IFT122: variants seen among roughly 807,000 people sequenced by gnomAD.
IFT122 encodes intraflagellar transport 122.
A neutral mutation model predicts 161.6 loss-of-function variants in IFT122; 118 were observed. The ratio of observed to expected loss-of-function variants is 0.73; its 90% CI spans 0.63 to 0.85. IFT122 has a LOEUF of 0.85. Ranked by LOEUF, IFT122 falls within the 40% of genes least tolerant of loss-of-function variation. The pLI is 0.00. For missense variants in IFT122, 1,381 were observed against 1,579.6 expected, an observed-to-expected ratio of 0.87 and a Z score of 2.13; for synonymous variants, 550 against 602.4, an observed-to-expected ratio of 0.91 and a Z score of 1.27.
intron 18 of IFT122, among the ~76,000 whole-genome samples, chr3:129,498,895 T>C (rs71255450): frequency 0.012 from 1,817 of 152,292 alleles, 35 homozygotes; most frequent in African/African-American, 0.041. Flanking sequence ...GCTGCCTCAA[T>C]TCTGGCAAAC....
intron 4 of IFT122, chr3:129,459,374 C>T: frequency 2.3e-6 from 1 of 435,550 alleles, no homozygotes; most frequent in Non-Finnish European, 4.6e-6. Flanking sequence ...ACCGCAAGCT[C>T]CACCTCCCAG....
chr3:129,441,953 G>A (rs562419432), intron 1 of IFT122, among the ~76,000 whole-genome samples: 1 of 152,280 alleles, frequency 6.6e-6, no homozygotes, highest in Admixed American at 6.5e-5. Flanking sequence ...CGGCCTAAAA[G>A]GGGCAGCTGC....
Position 129,467,046 on chromosome 3 carries a change from C to G in IFT122, c.720C>G (p.Asp240Glu), listed in dbSNP as rs767501984. The G allele has an allele frequency of 6.2e-7, 1 of 1,613,950 alleles. No individual in the cohort carries two copies. Among genetic ancestry groups the G allele is most frequent in the Non-Finnish European group, 8.5e-7 (1 of 1,179,976 alleles). The change falls in exon 8 of 30, where the codon GAC (aspartate) becomes GAG (glutamate). Residue 240 changes from aspartate (D) to glutamate (E), a missense_variant. By Grantham distance (45) the Asp-to-Glu change is conservative. Coordinates refer to ENST00000348417, the MANE Select transcript of IFT122 (RefSeq NM_052989.3). ...AGGAAGAACCAGAGGAAGAGGACGA[C>G]AGTCCCAGGGACGACAACTTGTGAG... ...AEEEEPEEED[D>E]SPRDDNLEER...
At chr3:129,456,343 T>A in intron 3 of IFT122, 2 of 1,105,838 alleles carry the variant, frequency 1.8e-6, no homozygotes, top group South Asian at 3.3e-5. Flanking sequence ...TTTCAGCTAC[T>A]GTAAAAGGTA....
chr3:129,464,676 A>G lies in IFT122; in HGVS notation c.458A>G (p.Asn153Ser), dbSNP rs151309730. The change falls in exon 7 of 30, where the codon AAT (asparagine) becomes AGT (serine). Residue 153 changes from asparagine (N) to serine (S), a missense_variant. Physicochemically the swap from Asn to Ser is conservative, Grantham distance 46. Coordinates refer to ENST00000348417, the MANE Select transcript of IFT122 (RefSeq NM_052989.3). ...DGQYLALGMF[N>S]GIISIRNKNG... ...CAGTACCTGGCGCTGGGGATGTTCAATGGGATCATCAGCATACGGAACAAA... is the reference window on the plus strand; with the variant it reads ...CAGTACCTGGCGCTGGGGATGTTCAGTGGGATCATCAGCATACGGAACAAA... The G allele has an allele frequency of 1.4e-5, 23 of 1,586,894 alleles. No homozygotes were observed. In the African/African-American group the frequency reaches 2.8e-4, roughly 20 times the overall value.
At chr3:129,507,479 A>C (rs1259047693) in intron 22 of IFT122, among the ~76,000 whole-genome samples, 189 bp from the exon 23 acceptor site, 2 of 152,190 alleles carry the variant, frequency 1.3e-5, no homozygotes, top group African/African-American at 4.8e-5. Flanking sequence ...ACCATCCTGG[A>C]GTGGCCCTAC....
chr3:129,514,961 A>C, intron 25 of IFT122: 4 of 372,130 alleles, frequency 1.1e-5, no homozygotes, highest in South Asian at 2.4e-5. Context: ...CACACTCCCA[A>C]CCCACATTCC....
At chr3:129,442,208 T>C (rs754541880) in intron 1 of IFT122, among the ~76,000 whole-genome samples, 1 of 152,186 alleles carries the variant, frequency 6.6e-6, no homozygotes, top group African/African-American at 2.4e-5. Flanking sequence ...TTCTCTCTTG[T>C]GGTACTTCCA....
chr3:129,511,625 CTTAT>C (rs759238858), intron 23 of IFT122, among the ~76,000 whole-genome samples: 2 of 152,170 alleles, frequency 1.3e-5, no homozygotes, highest in Non-Finnish European at 2.9e-5. Context: ...CAGAAAATTC[CTTAT>C]TTGTCTGCTG....
At chr3:129,511,197 A>G (rs898606097) in intron 23 of IFT122, among the ~76,000 whole-genome samples, 1 of 152,186 alleles carries the variant, frequency 6.6e-6, no homozygotes, top group Non-Finnish European at 1.5e-5. Context: ...CCTGCTACCT[A>G]TTCTCTCTGG....
chr3:129,503,466 T>C (rs1337680952), intron 20 of IFT122, among the ~76,000 whole-genome samples: 1 of 152,172 alleles, frequency 6.6e-6, no homozygotes, highest in African/African-American at 2.4e-5. Context: ...CAGCTGATGC[T>C]GCCCCTTCTA....
intron 15 of IFT122, among the ~76,000 whole-genome samples, chr3:129,485,869 G>A (rs2079213874): frequency 6.6e-6 from 1 of 152,250 alleles, no homozygotes; most frequent in South Asian, 2.1e-4. Context: ...GACAAAGGCT[G>A]TTCATCTGTC....
At chr3:129,497,285 G>T (rs1280328875) in intron 18 of IFT122, among the ~76,000 whole-genome samples, 1 of 152,114 alleles carries the variant, frequency 6.6e-6, no homozygotes, top group African/African-American at 2.4e-5. Flanking sequence ...ATAATAAAAT[G>T]CCTGGCCTTG....
chr3:129,477,469 A>G (rs2078095299), intron 11 of IFT122, among the ~76,000 whole-genome samples: 1 of 152,236 alleles, frequency 6.6e-6, no homozygotes, highest in African/African-American at 2.4e-5. Context: ...TTGTAGATTC[A>G]GATGAGTGTC....
intron 15 of IFT122, chr3:129,483,989 G>A (rs758595682): frequency 1.8e-5 from 8 of 439,616 alleles, no homozygotes; most frequent in South Asian, 4.1e-5. Context: ...GCGTGGGGCC[G>A]AATGGAGTGA....
At chr3:129,519,511 A>T (rs2084474722) in intron 28 of IFT122, 57 bp from the exon 29 acceptor site, 1 of 1,603,454 alleles carries the variant, frequency 6.2e-7, no homozygotes, top group Non-Finnish European at 8.5e-7. Context: ...TAATCCACAC[A>T]GATGTCTCAC....
intron 18 of IFT122, among the ~76,000 whole-genome samples, chr3:129,497,697 T>C (rs1430449824): frequency 6.6e-6 from 1 of 152,180 alleles, no homozygotes; most frequent in African/African-American, 2.4e-5. Flanking sequence ...GTTTTAGTTT[T>C]TGATCACTAT....
At position 129,512,171 on chromosome 3, in the gene IFT122, C is replaced by T; in HGVS notation, c.2887-141C>T. The T allele has an allele frequency of 4.0e-6, 3 of 752,630 alleles. No homozygotes were observed. In the South Asian group the frequency reaches 4.2e-5, roughly 10 times the overall value. The allele number at this position is 752,630 out of a possible 1,614,324, so 46.6% of individuals were successfully genotyped here. On this transcript the variant is annotated intron_variant, in intron 23 of 29. Coordinates refer to ENST00000348417, the MANE Select transcript of IFT122 (RefSeq NM_052989.3). ...GATGAGACAGTGGCTATATGGCGCTCAGCACACAGTAGGAGTAGGTGCTCA... is the reference window on the plus strand; with the variant it reads ...GATGAGACAGTGGCTATATGGCGCTTAGCACACAGTAGGAGTAGGTGCTCA...
At chr3:129,479,704 A>C in intron 12 of IFT122, 81 bp from the exon 13 acceptor site, 1 of 1,549,430 alleles carries the variant, frequency 6.5e-7, no homozygotes, top group Non-Finnish European at 8.9e-7. Context: ...TTCTCCCCTT[A>C]GGGACAGAAA....
Sources: gnomAD v4.1 joint callset for allele counts (sites outside exome capture counted in the v4.1 genomes callset) on GRCh38, gnomAD v4.1.1 for gene constraint, MANE v1.5 for transcripts, NCBI Gene and HGNC (gene_info 2026-07-23, HGNC 2026-07-21) for gene names.